The following ARID4B variants were observed in gnomAD, a reference collection of about 807,000 sequenced individuals.
ARID4B encodes the protein AT-rich interaction domain 4B.
A neutral mutation model predicts 147.5 loss-of-function variants in ARID4B; 26 were observed. The observed-to-expected ratio is 0.18, with a 90% CI of 0.13 to 0.24. The LOEUF (loss-of-function observed/expected upper bound fraction) is 0.24. Among genes scored for constraint, ARID4B ranks in the 10% least tolerant of loss-of-function variants. The pLI, the probability that ARID4B is intolerant of heterozygous loss-of-function variation, is 1.00. For synonymous variants in ARID4B, 512 were observed against 507.9 expected, an observed-to-expected ratio of 1.01 and a Z score of -0.11; for missense variants, 1,179 against 1,511.5, an observed-to-expected ratio of 0.78 and a Z score of 3.65.
Position 235,256,701 on chromosome 1 carries a change from T to C in ARID4B, c.183+459A>G, listed in dbSNP as rs967422898. 1.1e-4 allele frequency among the ~76,000 whole-genome samples: 16 copies of C among 152,224 alleles called. 1 individual carries two copies. The highest frequency in any genetic ancestry group is 9.8e-4 in the Admixed American group (15 of 15,284). ...TTTGGTTTTCTAACTTTCTCACTTT[T>C]CAGATCATCGTGGAACTGACATCAC... On this transcript the variant is annotated intron_variant, in intron 4 of 23. Coordinates refer to ENST00000264183, the MANE Select transcript of ARID4B (RefSeq NM_016374.6).
intron 19 of ARID4B, among the ~76,000 whole-genome samples, chr1:235,189,008 TC>T (rs1191799502): frequency 2.0e-5 from 3 of 152,114 alleles, no homozygotes; most frequent in Admixed American, 1.3e-4. Flanking sequence ...AAGATCAAAA[TC>T]CGAAAGGTAA....
intron 7 of ARID4B, among the ~76,000 whole-genome samples, chr1:235,240,680 T>C (rs1668925765): frequency 6.6e-6 from 1 of 152,150 alleles, no homozygotes; most frequent in Non-Finnish European, 1.5e-5. Flanking sequence ...TTAGTGCTAC[T>C]GTAAAAAATT....
intron 2 of ARID4B, chr1:235,326,667 A>T (rs1675290597): frequency 1.9e-6 from 1 of 526,664 alleles, no homozygotes; most frequent in South Asian, 2.1e-5. Flanking sequence ...TATTCCTCTC[A>T]TTCCCTACAA....
chr1:235,263,857 G>A (rs1245593753), intron 2 of ARID4B, among the ~76,000 whole-genome samples: 1 of 152,032 alleles, frequency 6.6e-6, no homozygotes, highest in African/African-American at 2.4e-5. Flanking sequence ...AGCTGGGCGT[G>A]GTGGCGCACA....
At chr1:235,264,606 G>T (rs1052373438) in intron 2 of ARID4B, among the ~76,000 whole-genome samples, 3 of 152,154 alleles carry the variant, frequency 2.0e-5, no homozygotes, top group African/African-American at 7.2e-5. Flanking sequence ...AAAAAACAGA[G>T]TCAATATTAG....
At chr1:235,241,592 C>T (rs1668984719) in intron 7 of ARID4B, among the ~76,000 whole-genome samples, 1 of 152,158 alleles carries the variant, frequency 6.6e-6, no homozygotes, top group Non-Finnish European at 1.5e-5. Context: ...CACCTTGGCT[C>T]ACTGCAAGCT....
chr1:235,325,552 T>C (rs1332064397), intron 2 of ARID4B, among the ~76,000 whole-genome samples: 3 of 151,928 alleles, frequency 2.0e-5, no homozygotes, highest in South Asian at 2.1e-4. Context: ...TCTGAACTTA[T>C]TATTTCTTAC....
At chr1:235,309,614 C>G (rs1258231090) in intron 2 of ARID4B, among the ~76,000 whole-genome samples, 1 of 151,462 alleles carries the variant, frequency 6.6e-6, no homozygotes, top group Non-Finnish European at 1.5e-5. Context: ...CTCTGCCCGG[C>G]CACCCCTACT....
At chr1:235,252,126 ACT>A (rs932550251) in intron 6 of ARID4B, among the ~76,000 whole-genome samples, 17 of 152,242 alleles carry the variant, frequency 1.1e-4, no homozygotes, top group African/African-American at 3.4e-4. Context: ...TGCATCAGGC[ACT>A]GTTACAGCAA....
intron 17 of ARID4B, among the ~76,000 whole-genome samples, chr1:235,208,246 G>T (rs1229573216): frequency 6.6e-6 from 1 of 152,148 alleles, no homozygotes; most frequent in African/African-American, 2.4e-5. Flanking sequence ...TTTACGGCAT[G>T]TTAATTTCAA....
intron 8 of ARID4B, among the ~76,000 whole-genome samples, chr1:235,236,844 A>ATTTT (rs1413258373): frequency 3.1e-5 from 1 of 32,738 alleles, no homozygotes; most frequent in East Asian, 1.8e-3. Context: ...ATATATATAT[A>ATTTT]TATATATATA....
chr1:235,183,217 CTT>C (rs971994058), intron 19 of ARID4B, among the ~76,000 whole-genome samples: 11 of 144,472 alleles, frequency 7.6e-5, no homozygotes, highest in South Asian at 2.2e-4. Context: ...TAATATTCTT[CTT>C]TTTTTTTTTT....
chr1:235,170,614 T>C (rs775521872), intron 23 of ARID4B, among the ~76,000 whole-genome samples: 10 of 151,880 alleles, frequency 6.6e-5, no homozygotes, highest in Non-Finnish European at 1.2e-4. Context: ...GGTGGGCGCC[T>C]GTAGTCCCAG....
intron 23 of ARID4B, among the ~76,000 whole-genome samples, chr1:235,170,332 A>G (rs929894430): frequency 6.6e-6 from 1 of 152,164 alleles, no homozygotes; most frequent in Admixed American, 6.5e-5. Context: ...TAACATATTT[A>G]TTGTCTCTTT....
chr1:235,318,926 G>A (rs890783703), intron 2 of ARID4B, among the ~76,000 whole-genome samples: 1 of 152,080 alleles, frequency 6.6e-6, no homozygotes, highest in Non-Finnish European at 1.5e-5. Context: ...AAGAAAGGGA[G>A]AACAGTGAAT....
rs530235605 is a variant in ARID4B, at chr1:235,311,983, T to C, written c.6+14931A>G. ...CAGACTTGTGTAATATGTACTGATATAGAAGAATGTAAAAGAAAATTATGG... is the reference window on the plus strand; with the variant it reads ...CAGACTTGTGTAATATGTACTGATACAGAAGAATGTAAAAGAAAATTATGG... On this transcript the variant is annotated intron_variant, in intron 2 of 23. Transcript: ENST00000264183. Among the ~76,000 whole-genome samples the C allele has an allele frequency of 1.1e-4, 16 of 152,138 alleles. No individual in the cohort carries two copies. The South Asian group carries it at 3.1e-3, about 30-fold the overall frequency.
intron 8 of ARID4B, among the ~76,000 whole-genome samples, chr1:235,238,162 A>AGAAAG (rs1668744662): frequency 1.3e-5 from 2 of 151,438 alleles, no homozygotes; most frequent in Non-Finnish European, 2.9e-5. Context: ...AAAAAAGAAA[A>AGAAAG]GAAAAGAAAA....
At chr1:235,238,799 G>A (rs909527987) in intron 8 of ARID4B, among the ~76,000 whole-genome samples, 2 of 151,614 alleles carry the variant, frequency 1.3e-5, no homozygotes, top group Non-Finnish European at 2.9e-5. Flanking sequence ...AGGCTGCAGC[G>A]AGTCAGGATC....
chr1:235,170,719 CAG>C (rs1663279388), intron 23 of ARID4B, among the ~76,000 whole-genome samples: 1 of 151,676 alleles, frequency 6.6e-6, no homozygotes, highest in South Asian at 2.1e-4. Flanking sequence ...GCCTGGATGA[CAG>C]AGAGATACTC....
Sources: gnomAD v4.1 joint callset for allele counts (sites outside exome capture counted in the v4.1 genomes callset) on GRCh38, gnomAD v4.1.1 for gene constraint, MANE v1.5 for transcripts, NCBI Gene and HGNC (gene_info 2026-07-23, HGNC 2026-07-21) for gene names.